MYO9A: variants seen among roughly 807,000 people sequenced by gnomAD.
The protein encoded by MYO9A is myosin IXA.
Under a neutral mutation model 293.3 loss-of-function variants are expected in MYO9A, and 103 were observed. That is an observed-to-expected ratio of 0.35 (90% CI 0.30 to 0.41). The LOEUF (loss-of-function observed/expected upper bound fraction) is 0.41. Ranked by LOEUF, MYO9A falls within the 10% of genes least tolerant of loss-of-function variation. The probability of loss-of-function intolerance (pLI) is 1.00; values close to 1 mark genes in which losing one functional copy is unlikely to be tolerated. For synonymous variants in MYO9A, 1,001 were observed against 1,035.7 expected (o/e 0.97, Z 0.64); for missense variants, 2,685 against 3,033.0 (o/e 0.89, Z 2.69).
intron 28 of MYO9A, among the ~76,000 whole-genome samples, chr15:71,881,189 T>C (rs1053089814): frequency 6.6e-6 from 1 of 152,040 alleles, no homozygotes; most frequent in South Asian, 2.1e-4. Flanking sequence ...TTATTTTCTC[T>C]ACAATTTTTC....
intron 1 of MYO9A, among the ~76,000 whole-genome samples, chr15:72,070,995 G>A (rs1456021901): frequency 2.0e-5 from 3 of 152,160 alleles, no homozygotes; most frequent in Admixed American, 6.5e-5. Flanking sequence ...ATTTGCCTAG[G>A]CAAAGAATTT....
At chr15:71,982,003 GAA>G (rs1401479889) in intron 11 of MYO9A, among the ~76,000 whole-genome samples, 1 of 100,496 alleles carries the variant, frequency 1.0e-5, no homozygotes, top group Non-Finnish European at 1.9e-5. Context: ...AGCCTATTTA[GAA>G]TTTTTTTTTT....
At position 71,850,158 on chromosome 15, in the gene MYO9A, C is replaced by G. The variant is rs2141282957; in HGVS notation, c.6591G>C (p.Leu2197=). 6.2e-7 allele frequency: 1 copy of G among 1,613,926 alleles called. No homozygotes were observed. Among genetic ancestry groups the G allele is most frequent in the Non-Finnish European group, 8.5e-7 (1 of 1,179,934 alleles). ...RLIFHLVRIA[L]QEDTNRMSAN... ...CAGACATTCGATTAGTGTCTTCCTGCAGAGCAATCCTAAGAATTAAAACAA... is the reference window on the plus strand; with the variant it reads ...CAGACATTCGATTAGTGTCTTCCTGGAGAGCAATCCTAAGAATTAAAACAA... The change falls in exon 38 of 42, where the codon CTG becomes CTC. Residue 2197 remains leucine (L), a synonymous_variant. Coordinates refer to ENST00000356056, the MANE Select transcript of MYO9A (RefSeq NM_006901.4).
At chr15:71,831,502 A>G (rs1016431745) in intron 39 of MYO9A, among the ~76,000 whole-genome samples, 2 of 152,216 alleles carry the variant, frequency 1.3e-5, no homozygotes, top group Non-Finnish European at 2.9e-5. Flanking sequence ...CGTGCCTGAC[A>G]CTGGGATCCC....
chr15:71,851,996 T>C (rs2055668035), intron 36 of MYO9A, 136 bp downstream of exon 36: 1 of 1,038,538 alleles, frequency 9.6e-7, no homozygotes, highest in South Asian at 2.8e-5. Flanking sequence ...CTAGCCGTTT[T>C]GTATTCACTG....
At chr15:71,887,942 A>C in intron 27 of MYO9A, 62 bp downstream of exon 27, 1 of 947,246 alleles carries the variant, frequency 1.1e-6, no homozygotes, top group East Asian at 2.6e-5. Context: ...CTCAGTACTT[A>C]ACTATAGTCA....
chr15:72,045,702 A>G (rs772869194), intron 2 of MYO9A, 22 bp downstream of exon 2: 1 of 1,543,752 alleles, frequency 6.5e-7, no homozygotes, highest in South Asian at 1.3e-5. Context: ...TAAAATCAAA[A>G]ATAAGATTTC....
chr15:72,087,382 G>A (rs773214382), intron 1 of MYO9A, among the ~76,000 whole-genome samples: 5 of 152,186 alleles, frequency 3.3e-5, no homozygotes, highest in Non-Finnish European at 5.9e-5. Flanking sequence ...GCACTGACTG[G>A]AGTGCTGCCT....
At position 72,093,863 on chromosome 15, in the gene MYO9A, G is replaced by A. The variant is rs1179859603; in HGVS notation, c.-72+23817C>T. ...GACTGTGCCACTGCACTCCAGCCTGGGCAACAGAGTGAGACTCCATCTCAA... is the reference window on the plus strand; with the variant it reads ...GACTGTGCCACTGCACTCCAGCCTGAGCAACAGAGTGAGACTCCATCTCAA... On this transcript the variant is annotated intron_variant, in intron 1 of 41. Coordinates refer to ENST00000356056, the MANE Select transcript of MYO9A (RefSeq NM_006901.4). Among the ~76,000 whole-genome samples the A allele has an allele frequency of 2.3e-5, 2 of 85,614 alleles. 1 individual carries two copies. Among genetic ancestry groups the A allele is most frequent in the South Asian group, 1.0e-3 (2 of 1,916 alleles). 56.2% of individuals were successfully genotyped at this position (85,614 alleles called of 152,430 possible).
chr15:72,099,420 C>CA (rs200642703), intron 1 of MYO9A, among the ~76,000 whole-genome samples: 696 of 27,762 alleles, frequency 0.025, 89 homozygotes, highest in Middle Eastern at 0.056. Flanking sequence ...AAGACCCTGC[C>CA]CCAAAAAAAA....
chr15:72,026,017 C>T (rs1015326859), intron 4 of MYO9A, among the ~76,000 whole-genome samples: 4 of 152,000 alleles, frequency 2.6e-5, no homozygotes, highest in Non-Finnish European at 5.9e-5. Context: ...TGGTGGCTCA[C>T]GCCTGTAACA....
chr15:72,028,517 C>T (rs2077756332), intron 3 of MYO9A, among the ~76,000 whole-genome samples: 1 of 151,170 alleles, frequency 6.6e-6, no homozygotes, highest in Non-Finnish European at 1.5e-5. Flanking sequence ...CATGGTGGTG[C>T]ACGCCTGTAA....
At chr15:72,006,259 G>T (rs775895227) in intron 8 of MYO9A, among the ~76,000 whole-genome samples, 11 of 151,686 alleles carry the variant, frequency 7.3e-5, no homozygotes, top group East Asian at 5.8e-4. Flanking sequence ...TTTTTTTTTT[G>T]TTGTTGTTGT....
At chr15:71,946,704 C>T (rs1298857584) in intron 15 of MYO9A, among the ~76,000 whole-genome samples, 2 of 152,242 alleles carry the variant, frequency 1.3e-5, no homozygotes, top group Non-Finnish European at 2.9e-5. Flanking sequence ...TTAACAGCCA[C>T]ATGTGGCTAG....
chr15:71,967,723 T>C lies in MYO9A; in HGVS notation c.1986+261A>G, dbSNP rs182787397. 2.7e-3 allele frequency among the ~76,000 whole-genome samples: 414 copies of C among 152,278 alleles called. 5 individuals are homozygous for C. The highest frequency in any genetic ancestry group is 1.4e-3 in the East Asian group (7 of 5,184). On this transcript the variant is annotated intron_variant, in intron 13 of 41. Transcript: ENST00000356056. ...GTGAGTTTGGGATATACAGATGCAATCTATTCTTTCAGATCTAAAGTTTAT... is the reference window on the plus strand; with the variant it reads ...GTGAGTTTGGGATATACAGATGCAACCTATTCTTTCAGATCTAAAGTTTAT...
At chr15:72,003,875 G>A (rs1430249632) in intron 8 of MYO9A, among the ~76,000 whole-genome samples, 2 of 152,144 alleles carry the variant, frequency 1.3e-5, no homozygotes, top group Non-Finnish European at 2.9e-5. Context: ...TCATAAGGCT[G>A]ACCTCTCTCA....
At chr15:72,000,636 TTTATTA>T (rs1407349974) in intron 8 of MYO9A, among the ~76,000 whole-genome samples, 2 of 152,088 alleles carry the variant, frequency 1.3e-5, no homozygotes, top group Admixed American at 6.6e-5. Context: ...ATGTGGATAA[TTTATTA>T]TTATTATTAT....
At chr15:72,041,682 G>A (rs150395236) in intron 2 of MYO9A, 44 of 205,816 alleles carry the variant, frequency 2.1e-4, no homozygotes, top group African/African-American at 9.5e-4. Context: ...TAGTTTTTCC[G>A]TGGGAACTTT....
At chr15:72,024,930 G>GT (rs1229021348) in intron 4 of MYO9A, among the ~76,000 whole-genome samples, 3 of 151,964 alleles carry the variant, frequency 2.0e-5, no homozygotes, top group Admixed American at 2.0e-4. Context: ...AAAAAAAATC[G>GT]TAACACATAT....
Sources: allele counts gnomAD v4.1 joint callset (sites outside exome capture counted in the v4.1 genomes callset), GRCh38; gene constraint gnomAD v4.1.1; transcripts MANE v1.5; gene names NCBI Gene and HGNC (gene_info 2026-07-23, HGNC 2026-07-21).